Variants in MARCHF3 observed in about 807,000 individuals in gnomAD.
The protein encoded by MARCHF3 is E3 ubiquitin-protein ligase MARCHF3.
In MARCHF3, 13 loss-of-function variants were observed where a neutral mutation model predicts 24.2. The observed-to-expected ratio is 0.54, with a 90% CI of 0.35 to 0.85. The LOEUF is 0.85. MARCHF3 is among the 40% of genes least tolerant of loss of function. The pLI is 0.01. For missense variants in MARCHF3, 276 were observed against 325.0 expected (o/e 0.85, Z 1.16); for synonymous variants, 144 against 137.3 (o/e 1.05, Z -0.34).
At position 126,876,611 on chromosome 5, in the gene MARCHF3, G is replaced by A. The variant is rs568202197; in HGVS notation, c.603+1574C>T. On this transcript the variant is annotated intron_variant, in intron 4 of 4. Coordinates refer to ENST00000308660, the MANE Select transcript of MARCHF3 (RefSeq NM_178450.5). The stretch of plus-strand genomic sequence containing the variant: ...CAATGGAAGCTACTGGAACAGCTTC[G>A]TTGCCTGATTCAAAATGAACCAGGA... 4.7e-4 allele frequency among the ~76,000 whole-genome samples: 71 copies of A among 151,534 alleles called. 1 individual carries two copies. Among genetic ancestry groups the A allele is most frequent in the African/African-American group, 1.6e-3 (65 of 41,336 alleles).
chr5:127,025,633 G>A (rs1458088053), intron 1 of MARCHF3, among the ~76,000 whole-genome samples: 1 of 152,154 alleles, frequency 6.6e-6, no homozygotes, highest in East Asian at 1.9e-4. Flanking sequence ...TGTATCAGGA[G>A]AGTGTCTGTG....
chr5:127,017,767 G>A (rs72782310), intron 1 of MARCHF3, among the ~76,000 whole-genome samples: 7,840 of 152,194 alleles, frequency 0.052, 329 homozygotes, highest in Non-Finnish European at 0.081. Context: ...TTATATCAAA[G>A]AACTTTGATA....
chr5:126,935,872 A>C (rs1426450911), intron 1 of MARCHF3, among the ~76,000 whole-genome samples: 1 of 152,010 alleles, frequency 6.6e-6, no homozygotes, highest in Admixed American at 6.6e-5. Flanking sequence ...CGGCCTCCCA[A>C]AGTGCTGGGA....
chr5:126,970,312 T>G lies in MARCHF3; in HGVS notation c.-56-52085A>C, dbSNP rs1472648630. Among the ~76,000 whole-genome samples the G allele has an allele frequency of 2.0e-5, 3 of 152,110 alleles. No homozygotes were observed. In the East Asian group the frequency reaches 5.8e-4, roughly 29 times the overall value. On this transcript the variant is annotated intron_variant, in intron 1 of 4. Transcript: ENST00000308660. ...CATGTTAGCCAGGCTGGTCTCGAAC[T>G]CCTGACCTCAGATGATACACCCACC...
intron 1 of MARCHF3, among the ~76,000 whole-genome samples, chr5:126,937,357 T>C (rs1749679527): frequency 6.6e-6 from 1 of 152,224 alleles, no homozygotes; most frequent in African/African-American, 2.4e-5. Flanking sequence ...ACAAGAAAGA[T>C]GCCAATTTAA....
At chr5:126,987,317 C>A (rs967537061) in intron 1 of MARCHF3, among the ~76,000 whole-genome samples, 1 of 152,006 alleles carries the variant, frequency 6.6e-6, no homozygotes, top group East Asian at 1.9e-4. Flanking sequence ...ACATTTGATA[C>A]GAGGGTAAAT....
At chr5:127,025,848 G>T (rs1013630707) in intron 1 of MARCHF3, among the ~76,000 whole-genome samples, 5 of 152,092 alleles carry the variant, frequency 3.3e-5, no homozygotes, top group Admixed American at 6.6e-5. Flanking sequence ...AATGACTGTC[G>T]TATATTAGAG....
At chr5:126,946,491 T>A (rs1448468888) in intron 1 of MARCHF3, 1 of 151,894 alleles carries the variant, frequency 6.6e-6, no homozygotes, top group African/African-American at 2.4e-5. Context: ...GAAGTCACCA[T>A]GTAAAACTTA....
intron 1 of MARCHF3, among the ~76,000 whole-genome samples, chr5:126,993,829 A>T (rs1751856502): frequency 6.6e-6 from 1 of 152,246 alleles, no homozygotes; most frequent in Non-Finnish European, 1.5e-5. Context: ...CTTTCACTCT[A>T]CTTGAAACAA....
intron 1 of MARCHF3, among the ~76,000 whole-genome samples, chr5:126,926,426 TAAGC>T (rs780337685): frequency 2.0e-5 from 3 of 152,134 alleles, no homozygotes; most frequent in Non-Finnish European, 2.9e-5. Context: ...ACACACAAGA[TAAGC>T]AAGGTCACTC....
At chr5:126,980,139 A>G (rs999692152) in intron 1 of MARCHF3, among the ~76,000 whole-genome samples, 4 of 151,934 alleles carry the variant, frequency 2.6e-5, no homozygotes, top group Non-Finnish European at 4.4e-5. Flanking sequence ...TCTTCTGCGC[A>G]CCTTCTCTGT....
chr5:126,874,342 C>T (rs895694847), intron 4 of MARCHF3, among the ~76,000 whole-genome samples: 1 of 152,102 alleles, frequency 6.6e-6, no homozygotes, highest in Non-Finnish European at 1.5e-5. Context: ...AATCCCAGCA[C>T]TTTGGGAGGC....
rs959247350 is a variant in MARCHF3 at position 126,870,694 on chromosome 5, T to G, written c.701A>C (p.Asn234Thr). The G allele has an allele frequency of 1.2e-6, 2 of 1,614,098 alleles. No homozygotes were observed. The highest frequency in any genetic ancestry group is 1.7e-6 in the Non-Finnish European group (2 of 1,180,010). The stretch of plus-strand genomic sequence containing the variant: ...ATGGAGGCCCAGCAAGGACGGCTGG[T>G]TAGAAGGTACATTGACAGACTTTGG... ...LIPKSVNVPSNQPSLLGLHSV... is the reference protein window; with the variant it reads ...LIPKSVNVPSTQPSLLGLHSV... Residue 234 changes from asparagine (N) to threonine (T), a missense_variant, in exon 5 of 5, where the codon AAC becomes ACC. Asn to Thr is a moderately conservative substitution (Grantham distance 65). Transcript: ENST00000308660.
chr5:126,912,114 A>G (rs1167227224), intron 3 of MARCHF3, among the ~76,000 whole-genome samples: 1 of 152,202 alleles, frequency 6.6e-6, no homozygotes, highest in Admixed American at 6.5e-5. Flanking sequence ...GGCAGAAAAA[A>G]AGACTTCACA....
At chr5:127,014,298 A>G (rs1296621066) in intron 1 of MARCHF3, among the ~76,000 whole-genome samples, 1 of 152,220 alleles carries the variant, frequency 6.6e-6, no homozygotes, top group Non-Finnish European at 1.5e-5. Context: ...CCACAATGAG[A>G]TAACTCACCC....
At chr5:126,989,131 T>C (rs569253564) in intron 1 of MARCHF3, among the ~76,000 whole-genome samples, 3 of 152,064 alleles carry the variant, frequency 2.0e-5, no homozygotes, top group Admixed American at 6.5e-5. Context: ...ATTAAAAAAT[T>C]AGCAGAGTAT....
intron 1 of MARCHF3, among the ~76,000 whole-genome samples, chr5:126,972,664 C>T (rs923614448): frequency 6.6e-6 from 1 of 152,180 alleles, no homozygotes; most frequent in Admixed American, 6.5e-5. Flanking sequence ...CCACCCCCAA[C>T]AGGTTTCATT....
chr5:126,962,834 C>CGTGTGT (rs10635460), intron 1 of MARCHF3, among the ~76,000 whole-genome samples: 2,023 of 147,600 alleles, frequency 0.014, 24 homozygotes, highest in South Asian at 0.035. Context: ...TGTGTGTGTG[C>CGTGTGT]GTGTGTGTGT....
intron 3 of MARCHF3, among the ~76,000 whole-genome samples, chr5:126,907,030 T>C (rs1222886777): frequency 6.6e-6 from 1 of 151,960 alleles, no homozygotes; most frequent in Non-Finnish European, 1.5e-5. Context: ...TTTGTTGTCG[T>C]TGGTTTCAAA....
Sources: allele counts gnomAD v4.1 joint callset (sites outside exome capture counted in the v4.1 genomes callset), GRCh38; gene constraint gnomAD v4.1.1; transcripts MANE v1.5; gene names NCBI Gene and HGNC (gene_info 2026-07-23, HGNC 2026-07-21).